OR56A4: variants seen among roughly 807,000 people sequenced by gnomAD.
OR56A4 encodes the protein olfactory receptor family 56 subfamily A member 4.
OR56A4 carries 9 observed loss-of-function variants against 13.6 expected under a neutral mutation model. That is an observed-to-expected ratio of 0.66 (90% CI 0.40 to 1.15). The LOEUF is 1.15. OR56A4 is among the 50% of genes most tolerant of loss of function. The probability of loss-of-function intolerance (pLI) is 0.01; values close to 1 mark genes in which losing one functional copy is unlikely to be tolerated. For synonymous variants in OR56A4, 167 were observed against 153.9 expected, an observed-to-expected ratio of 1.08 and a Z score of -0.63; for missense variants, 380 against 375.9, an observed-to-expected ratio of 1.01 and a Z score of -0.09.
intron 1 of OR56A4, among the ~76,000 whole-genome samples, chr11:6,006,626 C>A (rs546395110): frequency 6.6e-6 from 1 of 152,168 alleles, no homozygotes; most frequent in Non-Finnish European, 1.5e-5. Flanking sequence ...TATGACCTAG[C>A]TAGGCACAGA....
rs4385880 is a variant in OR56A4, at chr11:6,006,233, C to T, written c.-37+16G>A. The T allele has an allele frequency of 0.71, 107,885 of 152,058 alleles. 38,617 individuals carry two copies. The highest frequency in any genetic ancestry group is 0.94 in the East Asian group (4,841 of 5,176). The allele number at this position is 152,058 out of a possible 1,614,324, so 9.4% of individuals were successfully genotyped here. ...TTCCAGGTAATAATATATTTTCAGCCTTGTTTCATAGTTACCTTGTAATTC... is the reference window on the plus strand; with the variant it reads ...TTCCAGGTAATAATATATTTTCAGCTTTGTTTCATAGTTACCTTGTAATTC... On this transcript the variant is annotated intron_variant, in intron 2 of 2. Coordinates refer to ENST00000641156, the MANE Select transcript of OR56A4 (RefSeq NM_001005179.4).
At chr11:6,003,766 T>C (rs527592405) in intron 2 of OR56A4, among the ~76,000 whole-genome samples, 9 of 152,304 alleles carry the variant, frequency 5.9e-5, no homozygotes, top group South Asian at 2.1e-4. Flanking sequence ...CATGAGGACC[T>C]GCTGTAATCA....
At chr11:6,005,404 G>A (rs531953606) in intron 2 of OR56A4, among the ~76,000 whole-genome samples, 1 of 152,216 alleles carries the variant, frequency 6.6e-6, no homozygotes, top group African/African-American at 2.4e-5. Flanking sequence ...CAAGTTCTTT[G>A]GGGAAAAGGA....
At chr11:6,005,568 C>T (rs930330618) in intron 2 of OR56A4, among the ~76,000 whole-genome samples, 4 of 152,188 alleles carry the variant, frequency 2.6e-5, no homozygotes, top group Admixed American at 2.0e-4. Context: ...TAGATGGTGT[C>T]TTAGACCACT....
At position 6,002,183 on chromosome 11, in the gene OR56A4, T is replaced by A; in HGVS notation, c.810A>T (p.Arg270Ser). 1 of 1,614,134 alleles carries A rather than the reference T, an allele frequency of 6.2e-7. No individual in the cohort carries two copies. The highest frequency in any genetic ancestry group is 8.5e-7 in the Non-Finnish European group (1 of 1,180,014). ...VLVITNLARKRIPPDVPILLN... is the reference protein window; with the variant it reads ...VLVITNLARKSIPPDVPILLN... ...GCAGGATGGGGACATCTGGAGGAAT[T>A]CTCTTCCTGGCCAGGTTAGTGATGA... Residue 270 changes from arginine to serine, a missense_variant, in exon 3 of 3, where the codon AGA becomes AGT. Transcript: ENST00000641156.
chr11:6,002,190 C>T lies in OR56A4; in HGVS notation c.803G>A (p.Arg268Lys). 2.5e-6 allele frequency: 4 copies of T among 1,614,200 alleles called. No homozygotes were observed. Among genetic ancestry groups the T allele is most frequent in the Non-Finnish European group, 3.4e-6 (4 of 1,180,030 alleles). ...GGGGACATCTGGAGGAATTCTCTTC[C>T]TGGCCAGGTTAGTGATGACCAGAAC... Reference protein sequence around the residue: ...LLVLVITNLARKRIPPDVPIL... With the variant: ...LLVLVITNLAKKRIPPDVPIL... Residue 268 changes from arginine (R) to lysine (K), a missense_variant, in exon 3 of 3, where the codon AGG becomes AAG. Arg to Lys is a conservative substitution (Grantham distance 26, BLOSUM62 2). Coordinates refer to ENST00000641156, the MANE Select transcript of OR56A4 (RefSeq NM_001005179.4).
chr11:6,001,891 A>T lies in OR56A4; in HGVS notation c.*160T>A. 1 of 641,114 alleles carries T rather than the reference A, an allele frequency of 1.6e-6. No individual in the cohort carries two copies. The highest frequency in any genetic ancestry group is 2.5e-6 in the Non-Finnish European group (1 of 405,592). The allele number at this position is 641,114 out of a possible 1,614,324, so 39.7% of individuals were successfully genotyped here. A position where few individuals can be genotyped will look rare whatever the true frequency, so the allele number is the denominator to read the frequency against. ...AGCAACAGAAAACAAAGATTCACAAATAAATGTGTTCATTGTTGCCTGAGA... is the reference window on the plus strand; with the variant it reads ...AGCAACAGAAAACAAAGATTCACAATTAAATGTGTTCATTGTTGCCTGAGA... On this transcript the variant is annotated 3_prime_UTR_variant, in exon 3 of 3. Transcript: ENST00000641156.
At position 6,002,812 on chromosome 11, in the gene OR56A4, G is replaced by A. The variant is rs745332709; in HGVS notation, c.181C>T (p.Pro61Ser). ...AGGAGGCTGAGCAGGTAGTACAGGGGCTGGTGCAGAGAGGCCTCCAGCTGG... is the reference window on the plus strand; with the variant it reads ...AGGAGGCTGAGCAGGTAGTACAGGGACTGGTGCAGAGAGGCCTCCAGCTGG... ...TIQLEASLHQ[P>S]LYYLLSLLSL... Residue 61 changes from proline to serine, a missense_variant, in exon 3 of 3, where the codon CCC becomes TCC. Physicochemically the swap from Pro to Ser is moderately conservative, Grantham distance 74 (BLOSUM62 -1). Coordinates refer to ENST00000641156, the MANE Select transcript of OR56A4 (RefSeq NM_001005179.4). 4 of 1,613,816 alleles carry A rather than the reference G, an allele frequency of 2.5e-6. No individual in the cohort carries two copies. The highest frequency in any genetic ancestry group is 3.4e-6 in the Non-Finnish European group (4 of 1,179,942).
chr11:6,000,956 T>C lies in OR56A4; in HGVS notation c.*1095A>G, dbSNP rs545940023. 4 of 152,336 alleles carry C rather than the reference T, an allele frequency of 2.6e-5. No homozygotes were observed. Among genetic ancestry groups the C allele is most frequent in the Non-Finnish European group, 5.9e-5 (4 of 68,040 alleles). The allele number at this position is 152,336 out of a possible 1,614,324, so 9.4% of individuals were successfully genotyped here. ...TACAAATGGAAGTAGGATAGTCCAGTTGGGACAGTTGTCAAACAATGCCTG... is the reference window on the plus strand; with the variant it reads ...TACAAATGGAAGTAGGATAGTCCAGCTGGGACAGTTGTCAAACAATGCCTG... On this transcript the variant is annotated 3_prime_UTR_variant, in exon 3 of 3. Transcript: ENST00000641156.
At position 6,002,397 on chromosome 11, in the gene OR56A4, T is replaced by C. The variant is rs1476614125; in HGVS notation, c.596A>G (p.Gln199Arg). ...CCAGCCTGCCACAAACTGGTAGAGC[T>C]GATTGAAAGTGATGTCATCACAAGA... ...KLSCDDITFN[Q>R]LYQFVAGWTL... The change falls in exon 3 of 3, where the codon CAG becomes CGG. Residue 199 changes from glutamine to arginine, a missense_variant. By Grantham distance (43) the Gln-to-Arg change is conservative (BLOSUM62 1). Coordinates refer to ENST00000641156, the MANE Select transcript of OR56A4 (RefSeq NM_001005179.4). The C allele has an allele frequency of 1.2e-6, 2 of 1,614,104 alleles. No homozygotes were observed. The highest frequency in any genetic ancestry group is 1.7e-6 in the Non-Finnish European group (2 of 1,180,036).
Position 6,002,011 on chromosome 11 carries a change from C to T in OR56A4, c.*40G>A. The T allele has an allele frequency of 6.7e-7, 1 of 1,489,636 alleles. No individual in the cohort carries two copies. Among genetic ancestry groups the T allele is most frequent in the Non-Finnish European group, 8.9e-7 (1 of 1,119,408 alleles). The allele number at this position is 1,489,636 out of a possible 1,614,324, so 92.3% of individuals were successfully genotyped here. A position where few individuals can be genotyped will look rare whatever the true frequency, so the allele number is the denominator to read the frequency against. ...TTCCCTATTTCCCAATTTTCACTAA[C>T]AATTAACAACTCTAAAGGTGGATCT... is the stretch of plus-strand genomic sequence containing the variant. On this transcript the variant is annotated 3_prime_UTR_variant, in exon 3 of 3. Coordinates refer to ENST00000641156, the MANE Select transcript of OR56A4 (RefSeq NM_001005179.4).
rs974119222 is a variant in OR56A4, at chr11:6,000,384, T to G, written c.*1667A>C. 2.6e-5 allele frequency: 4 copies of G among 152,040 alleles called. No homozygotes were observed. Among genetic ancestry groups the G allele is most frequent in the African/African-American group, 9.7e-5 (4 of 41,374 alleles). The allele number at this position is 152,040 out of a possible 1,614,324, so 9.4% of individuals were successfully genotyped here. On this transcript the variant is annotated 3_prime_UTR_variant, in exon 3 of 3. Coordinates refer to ENST00000641156, the MANE Select transcript of OR56A4 (RefSeq NM_001005179.4). The stretch of plus-strand genomic sequence containing the variant: ...AAGGACAAAAAACCAAACACCGCAT[T>G]TTCTCACTCATAGGTGGGAGTTGAA...
At position 6,003,493 on chromosome 11, in the gene OR56A4, G is replaced by T. The variant is rs1056272059; in HGVS notation, c.-36-465C>A. On this transcript the variant is annotated intron_variant, in intron 2 of 2. Coordinates refer to ENST00000641156, the MANE Select transcript of OR56A4 (RefSeq NM_001005179.4). The stretch of plus-strand genomic sequence containing the variant: ...GGCCAAGCTTATCCCAGCAGCTTTG[G>T]GTTGGTTCCCAGAAGCTCAGGGAAC... Among the ~76,000 whole-genome samples the T allele has an allele frequency of 3.3e-5, 5 of 152,054 alleles. No homozygotes were observed. In the South Asian group the frequency reaches 1.0e-3, roughly 32 times the overall value.
intron 2 of OR56A4, among the ~76,000 whole-genome samples, chr11:6,005,769 C>G (rs1190667711): frequency 3.3e-5 from 5 of 152,196 alleles, no homozygotes; most frequent in Non-Finnish European, 7.3e-5. Flanking sequence ...GGCTAGCTAG[C>G]TCTCTACCAT....
chr11:6,005,388 G>A (rs1848249817), intron 2 of OR56A4, among the ~76,000 whole-genome samples: 1 of 152,210 alleles, frequency 6.6e-6, no homozygotes, highest in South Asian at 2.1e-4. Context: ...AGGGGCTACT[G>A]CATCCCAAGT....
chr11:6,003,845 A>C (rs1848237139), intron 2 of OR56A4, among the ~76,000 whole-genome samples: 1 of 152,336 alleles, frequency 6.6e-6, no homozygotes, highest in Non-Finnish European at 1.5e-5. Flanking sequence ...AAATATATGC[A>C]AGAACCCACT....
chr11:6,002,390 G>T lies in OR56A4; in HGVS notation c.603C>A (p.Tyr201Ter). The T allele has an allele frequency of 6.2e-7, 1 of 1,614,212 alleles. No individual in the cohort carries two copies. The highest frequency in any genetic ancestry group is 1.1e-5 in the South Asian group (1 of 91,080). Residue 201 changes from tyrosine (Y) to a stop codon, truncating the protein, a stop_gained, in exon 3 of 3, where the codon TAC becomes TAA. Transcript: ENST00000641156. LOFTEE classifies it high-confidence loss of function. Reference protein sequence around the residue: ...SCDDITFNQLYQFVAGWTLLG... With the variant: ...SCDDITFNQL ...ACAGAGTCCAGCCTGCCACAAACTG[G>T]TAGAGCTGATTGAAAGTGATGTCAT...
At chr11:6,004,654 A>G (rs1848243977) in intron 2 of OR56A4, among the ~76,000 whole-genome samples, 1 of 152,240 alleles carries the variant, frequency 6.6e-6, no homozygotes, top group African/African-American at 2.4e-5. Flanking sequence ...TAAAACTGGA[A>G]TAGGCACAAT....
At chr11:6,003,361 T>C (rs1307594651) in intron 2 of OR56A4, among the ~76,000 whole-genome samples, 1 of 152,250 alleles carries the variant, frequency 6.6e-6, no homozygotes, top group Non-Finnish European at 1.5e-5. Flanking sequence ...CATTTATTGT[T>C]GTGCGTTTAT....
Sources: gnomAD v4.1 joint callset for allele counts (sites outside exome capture counted in the v4.1 genomes callset) on GRCh38, gnomAD v4.1.1 for gene constraint, MANE v1.5 for transcripts, NCBI Gene and HGNC (gene_info 2026-07-23, HGNC 2026-07-21) for gene names.